OR51B5: variants seen among roughly 807,000 people sequenced by gnomAD.
OR51B5 encodes the protein olfactory receptor 51B5.
For synonymous variants in OR51B5, 186 were observed against 144.8 expected (o/e 1.28, Z -2.04); for missense variants, 456 against 374.6 (o/e 1.22, Z -1.79).
chr11:5,400,840 A>G (rs1849956872), intron 1 of OR51B5, among the ~76,000 whole-genome samples: 1 of 152,224 alleles, frequency 6.6e-6, no homozygotes, highest in African/African-American at 2.4e-5. Flanking sequence ...GCAAAGAAGA[A>G]CTTCATAATA....
At chr11:5,377,806 A>C (rs1377909860) in intron 1 of OR51B5, among the ~76,000 whole-genome samples, 1 of 152,128 alleles carries the variant, frequency 6.6e-6, no homozygotes, top group East Asian at 1.9e-4. Flanking sequence ...TCAATGAAAT[A>C]AAAGAAGATA....
rs79267863 is a variant in OR51B5, at chr11:5,342,783, C to T, written c.742G>A (p.Val248Ile). The T allele has an allele frequency of 5.8e-4, 938 of 1,613,524 alleles. 14 individuals carry two copies. The East Asian group carries it at 0.02, about 34-fold the overall frequency. ...AATCCAATCACTGTGACATAAAAAA[C>T]CAGGACACAGCAGATATGGGAGACA... Residue 248 changes from valine to isoleucine, a missense_variant, in exon 1 of 1, where the codon GTT becomes ATT. By Grantham distance (29) the Val-to-Ile change is conservative. Transcript: ENST00000300773.
At chr11:5,465,252 C>T (rs1487361285) in intron 1 of OR51B5, among the ~76,000 whole-genome samples, 1 of 147,866 alleles carries the variant, frequency 6.8e-6, no homozygotes, top group Non-Finnish European at 1.5e-5. Flanking sequence ...TCTCCACATC[C>T]TCTCCAGCAC....
chr11:5,361,606 A>G (rs866774728), intron 1 of OR51B5, among the ~76,000 whole-genome samples: 16 of 152,216 alleles, frequency 1.1e-4, no homozygotes, highest in Admixed American at 4.6e-4. Flanking sequence ...GCAGTAATGT[A>G]TCAGTCAAGA....
intron 1 of OR51B5, among the ~76,000 whole-genome samples, chr11:5,373,320 C>G (rs1047036806): frequency 2.6e-5 from 4 of 152,106 alleles, no homozygotes; most frequent in African/African-American, 9.7e-5. Flanking sequence ...TCGATTTTTT[C>G]TTTCACAAAT....
At chr11:5,381,835 T>C (rs1365632279) in intron 1 of OR51B5, among the ~76,000 whole-genome samples, 1 of 152,186 alleles carries the variant, frequency 6.6e-6, no homozygotes, top group African/African-American at 2.4e-5. Flanking sequence ...AATTATATAA[T>C]TCAGAGAAAT....
exon 1 of OR51B5, chr11:5,343,435 C>G: frequency 2.5e-6 from 4 of 1,611,310 alleles, no homozygotes; most frequent in Non-Finnish European, 3.4e-6. Flanking sequence ...TATACATGAA[C>G]AAGAAAAATA....
rs989483023 is a variant in OR51B5 at position 5,421,271 on chromosome 11, G to C, written n.85-74361C>G. Among the ~76,000 whole-genome samples, 72 of 152,150 alleles carry C rather than the reference G, an allele frequency of 4.7e-4. 1 individual carries two copies. The highest frequency in any genetic ancestry group is 1.8e-3 in the Admixed American group (28 of 15,272). On this transcript the variant is annotated intron_variant and non_coding_transcript_variant, in intron 1 of 4. Coordinates refer to the OR51B5 transcript ENST00000415970. ...ACCCTCCAGACTAGAGATCTGCAAG[G>C]GGCTTATACCGCACCTGCTCTCTGA...
chr11:5,366,704 G>T (rs2133703030), intron 1 of OR51B5, among the ~76,000 whole-genome samples: 1 of 151,602 alleles, frequency 6.6e-6, no homozygotes, highest in Middle Eastern at 3.4e-3. Context: ...AGAAGAAAAA[G>T]TAGAGGAGGA....
At chr11:5,409,606 A>G (rs1426868494) in intron 1 of OR51B5, among the ~76,000 whole-genome samples, 1 of 152,176 alleles carries the variant, frequency 6.6e-6, no homozygotes, top group Non-Finnish European at 1.5e-5. Context: ...AAATAGCCAA[A>G]TGAAAGCACA....
chr11:5,352,000 C>T, intron 1 of OR51B5: 5 of 1,613,674 alleles, frequency 3.1e-6, no homozygotes, highest in Non-Finnish European at 2.5e-6. Context: ...ACACTGGTTT[C>T]CCTACTGTCG....
At chr11:5,443,805 A>G (rs1275747752) in intron 1 of OR51B5, among the ~76,000 whole-genome samples, 1 of 152,084 alleles carries the variant, frequency 6.6e-6, no homozygotes, top group Non-Finnish European at 1.5e-5. Context: ...AATGTGACCT[A>G]TCTTGGAAGG....
At chr11:5,476,730 G>A (rs544270776) in intron 1 of OR51B5, among the ~76,000 whole-genome samples, 2 of 152,188 alleles carry the variant, frequency 1.3e-5, no homozygotes, top group African/African-American at 4.8e-5. Context: ...TGACTTACTA[G>A]TTGTGTTATC....
At chr11:5,403,228 T>A (rs1368175635) in intron 1 of OR51B5, 1 of 471,440 alleles carries the variant, frequency 2.1e-6, no homozygotes, top group East Asian at 6.9e-5. Context: ...ACTTTTGGGC[T>A]GGATTCGTTG....
intron 1 of OR51B5, among the ~76,000 whole-genome samples, chr11:5,379,705 A>T (rs1351309524): frequency 6.8e-6 from 1 of 147,998 alleles, no homozygotes; most frequent in Non-Finnish European, 1.5e-5. Flanking sequence ...TTATGTCCAG[A>T]TGTTGAAACA....
intron 1 of OR51B5, among the ~76,000 whole-genome samples, chr11:5,414,441 TTAAAAG>T (rs1850203245): frequency 6.6e-6 from 1 of 150,832 alleles, no homozygotes; most frequent in Non-Finnish European, 1.5e-5. Context: ...AATATTAACT[TTAAAAG>T]TAAATGGACT....
At chr11:5,412,994 G>A (rs1245391791) in intron 1 of OR51B5, among the ~76,000 whole-genome samples, 2 of 151,456 alleles carry the variant, frequency 1.3e-5, no homozygotes, top group African/African-American at 4.8e-5. Flanking sequence ...GCCTCCTCAA[G>A]TGGATCCCTG....
intron 1 of OR51B5, among the ~76,000 whole-genome samples, chr11:5,472,085 G>A (rs1231122990): frequency 1.3e-5 from 2 of 152,044 alleles, no homozygotes; most frequent in Admixed American, 1.3e-4. Context: ...TAATCGCACT[G>A]AGGCATTCAC....
At chr11:5,456,218 A>G (rs892165896) in intron 1 of OR51B5, 1 of 152,226 alleles carries the variant, frequency 6.6e-6, no homozygotes, top group Non-Finnish European at 1.5e-5. Flanking sequence ...GTAACATAGA[A>G]AGGGCAAGGA....
Sources: gnomAD v4.1 joint callset for allele counts (sites outside exome capture counted in the v4.1 genomes callset) on GRCh38, gnomAD v4.1.1 for gene constraint, MANE v1.5 for transcripts, NCBI Gene and HGNC (gene_info 2026-07-23, HGNC 2026-07-21) for gene names.